SHE: variants seen among roughly 807,000 people sequenced by gnomAD.
The protein encoded by SHE is Src homology 2 domain containing E, also known as SH2 domain-containing adapter protein E.
In SHE, 11 loss-of-function variants were observed where a neutral mutation model predicts 49.8. The observed-to-expected ratio is 0.22, with a 90% confidence interval of 0.14 to 0.37. SHE has a LOEUF of 0.37. SHE is among the 10% of genes least tolerant of loss of function. The pLI is 1.00. For missense variants in SHE, 624 were observed against 655.5 expected (o/e 0.95, Z 0.52); for synonymous variants, 310 against 278.1 (o/e 1.11, Z -1.14).
At position 154,489,111 on chromosome 1, in the gene SHE, C is replaced by T. The variant is rs145037628; in HGVS notation, c.964G>A (p.Ala322Thr). The stretch of plus-strand genomic sequence containing the variant: ...TCCCATGGCTGCTCGTACTCTGCCG[C>T]GGGCCTCTCGTCGTTCTCGGGCAGC... ...SRLPENDERP[A>T]AEYEQPWEWK... is the part of the protein sequence containing the mutation. The change falls in exon 3 of 6, where the codon GCG becomes ACG. Residue 322 changes from alanine to threonine, a missense_variant. Physicochemically the swap from Ala to Thr is moderately conservative, Grantham distance 58. Coordinates refer to ENST00000304760, the MANE Select transcript of SHE (RefSeq NM_001010846.3). 1.7e-4 allele frequency: 279 copies of T among 1,612,968 alleles called. 2 individuals are homozygous for T. In the African/African-American group the frequency reaches 3.2e-3, roughly 18 times the overall value.
At chr1:154,478,880 A>G (rs1557793773), downstream of SHE, among the ~76,000 whole-genome samples, 1 of 152,194 alleles carries the variant, frequency 6.6e-6, no homozygotes, top group Non-Finnish European at 1.5e-5. Flanking sequence ...ACTTACATAA[A>G]TGTTTAATGG....
chr1:154,477,890 C>CAAAAAAAAAAAAAA (rs35912019), downstream of SHE, among the ~76,000 whole-genome samples: 1 of 104,350 alleles, frequency 9.6e-6, no homozygotes, highest in Non-Finnish European at 1.9e-5. Context: ...GACACTGTCT[C>CAAAAAAAAAAAAAA]AAAAAAAAAA....
chr1:154,491,231 G>A (rs770874773), intron 2 of SHE, among the ~76,000 whole-genome samples: 2 of 152,114 alleles, frequency 1.3e-5, no homozygotes, highest in Non-Finnish European at 2.9e-5. Context: ...ATAAGCTCCC[G>A]ACTGTTTACT....
At chr1:154,489,030 G>A (rs779546492) in intron 3 of SHE, 21 bp downstream of exon 3, 1 of 1,536,772 alleles carries the variant, frequency 6.5e-7, no homozygotes, top group Non-Finnish European at 8.7e-7. Flanking sequence ...CACTGGGGCG[G>A]GCCTGGCCTG....
At chr1:154,491,930 G>C (rs1233025056) in intron 2 of SHE, among the ~76,000 whole-genome samples, 1 of 152,150 alleles carries the variant, frequency 6.6e-6, no homozygotes, top group Admixed American at 6.5e-5. Flanking sequence ...AGGCTGAGGG[G>C]TCAGGTGAGG....
Position 154,489,090 on chromosome 1 carries a change from A to G in SHE, c.985T>C (p.Trp329Arg), listed in dbSNP as rs763774458. The part of the protein sequence containing the change: ...ERPAAEYEQP[W>R]EWKKEQIVRA... ...ACGATCTGCTCCTTCTTCCACTCCC[A>G]TGGCTGCTCGTACTCTGCCGCGGGC... The change falls in exon 3 of 6, where the codon TGG becomes CGG. Residue 329 changes from tryptophan to arginine, a missense_variant. Around this residue, in one of 4 missense-constraint regions of SHE, gnomAD observed 155 missense variants for 142.0 expected, o/e 1.09. Transcript: ENST00000304760. 8 of 1,608,346 alleles carry G rather than the reference A, an allele frequency of 5.0e-6. No individual in the cohort carries two copies. In the South Asian group the frequency reaches 7.7e-5, roughly 16 times the overall value.
Position 154,501,633 on chromosome 1 carries a change from G to A in SHE, c.394C>T (p.Arg132Trp), listed in dbSNP as rs779660219. 3 of 1,614,130 alleles carry A rather than the reference G, an allele frequency of 1.9e-6. No homozygotes were observed. The highest frequency in any genetic ancestry group is 1.7e-5 in the Admixed American group (1 of 60,022). Residue 132 changes from arginine (R) to tryptophan (W), a missense_variant, in exon 1 of 6, where the codon CGG becomes TGG. Coordinates refer to ENST00000304760, the MANE Select transcript of SHE (RefSeq NM_001010846.3). ...CAGCCCGAGCTCTTGGTTGCACCCC[G>A]GTGGGGCTCCTCCTCCGTGGCCCGG... ...NSRATEEEPH[R>W]GATKSSGCST...
At chr1:154,489,527 CTG>C (rs889523605) in intron 2 of SHE, among the ~76,000 whole-genome samples, 171 bp from the exon 3 acceptor site, 39 of 152,344 alleles carry the variant, frequency 2.6e-4, no homozygotes, top group African/African-American at 9.4e-4. Context: ...TACTTCTCAG[CTG>C]TGTTACAAAA....
intron 2 of SHE, among the ~76,000 whole-genome samples, chr1:154,491,089 T>C (rs139655325): frequency 4.6e-5 from 7 of 152,230 alleles, no homozygotes; most frequent in Non-Finnish European, 7.4e-5. Flanking sequence ...ACAGAGTCTA[T>C]ATTATAGACC....
intron 1 of SHE, among the ~76,000 whole-genome samples, chr1:154,470,794 C>T (rs1270530121): frequency 4.6e-5 from 7 of 152,038 alleles, no homozygotes; most frequent in Admixed American, 6.6e-5. Context: ...GAGATGAGAT[C>T]GTGCCATTGC....
At chr1:154,485,625 T>C (rs1692152524) in intron 5 of SHE, 1 of 231,742 alleles carries the variant, frequency 4.3e-6, no homozygotes, top group South Asian at 9.8e-5. Context: ...CTGTTAGAAA[T>C]AATTCTTTTC....
intron 1 of SHE, among the ~76,000 whole-genome samples, chr1:154,500,924 C>T (rs1692703620): frequency 6.6e-6 from 1 of 152,170 alleles, no homozygotes; most frequent in Non-Finnish European, 1.5e-5. Context: ...GCTGAACCTC[C>T]GAGGAGCCCT....
intron 2 of SHE, among the ~76,000 whole-genome samples, chr1:154,493,645 C>T (rs75485862): frequency 0.025 from 3,761 of 152,242 alleles, 151 homozygotes; most frequent in African/African-American, 0.086. Flanking sequence ...TTCTCAATCC[C>T]CAACTCGCTG....
intron 2 of SHE, among the ~76,000 whole-genome samples, chr1:154,494,363 C>A (rs1182557482): frequency 1.4e-5 from 2 of 146,266 alleles, no homozygotes; most frequent in Admixed American, 6.8e-5. Flanking sequence ...CAGGCAAAGA[C>A]AGACATAACA....
chr1:154,486,048 G>A lies in SHE; in HGVS notation c.1196C>T (p.Ala399Val), dbSNP rs1337450497. The A allele has an allele frequency of 6.2e-7, 1 of 1,613,102 alleles. No individual in the cohort carries two copies. The highest frequency in any genetic ancestry group is 1.1e-5 in the South Asian group (1 of 91,054). ...ACTCTCAGCCTCAGCACGGCTGATGGCACCATGATACCAGCTGAAAAATGG... is the reference window on the plus strand; with the variant it reads ...ACTCTCAGCCTCAGCACGGCTGATGACACCATGATACCAGCTGAAAAATGG... ...PLEKQPWYHG[A>V]ISRAEAESRL... The change falls in exon 5 of 6, where the codon GCC (alanine) becomes GTC (valine). Residue 399 changes from alanine to valine, a missense_variant. Physicochemically the swap from Ala to Val is moderately conservative, Grantham distance 64. This residue lies in a region of SHE where 125 missense variants were observed against 181.7 expected (regional missense o/e 0.69). Transcript: ENST00000304760.
chr1:154,501,744 C>A lies in SHE; in HGVS notation c.283G>T (p.Gly95Cys), dbSNP rs765721556. Reference sequence around the variant, plus strand: ...AGCCGGCTGTCCTTGGGGCCGACGCCGGCCCTGCCGCTCCCCAGCTCGGCC... The same window carrying A: ...AGCCGGCTGTCCTTGGGGCCGACGCAGGCCCTGCCGCTCCCCAGCTCGGCC... Reference protein sequence around the residue: ...SAAELGSGRAGVGPKDSRLSR... With the variant: ...SAAELGSGRACVGPKDSRLSR... The change falls in exon 1 of 6, where the codon GGC (glycine) becomes TGC (cysteine). Residue 95 changes from glycine (G) to cysteine (C), a missense_variant. Around this residue, in one of 4 missense-constraint regions of SHE, gnomAD observed 337 missense variants for 306.0 expected, o/e 1.10. Coordinates refer to ENST00000304760, the MANE Select transcript of SHE (RefSeq NM_001010846.3). 85 of 1,568,480 alleles carry A rather than the reference C, an allele frequency of 5.4e-5. 1 individual carries two copies. The highest frequency in any genetic ancestry group is 5.2e-4 in the East Asian group (22 of 41,938).
At chr1:154,476,585 T>A (rs903787051), downstream of SHE, among the ~76,000 whole-genome samples, 1 of 151,774 alleles carries the variant, frequency 6.6e-6, no homozygotes, top group Non-Finnish European at 1.5e-5. Flanking sequence ...TGAGCCACGA[T>A]TGCATCACTG....
chr1:154,488,022 C>A (rs948850705), intron 3 of SHE, among the ~76,000 whole-genome samples: 4 of 151,146 alleles, frequency 2.6e-5, no homozygotes, highest in African/African-American at 9.7e-5. Flanking sequence ...TCACTGCAAC[C>A]TCCGCCTCCT....
rs558845359 is a variant in SHE, at chr1:154,493,738, T to A, written c.719-4382A>T. On this transcript the variant is annotated intron_variant, in intron 2 of 5. Transcript: ENST00000304760. Reference sequence around the variant, plus strand: ...TAAGATTTTCTTTTACTAAATTAACTGTAGTTAGCAATAAGTATTGCCCTA... The same window carrying A: ...TAAGATTTTCTTTTACTAAATTAACAGTAGTTAGCAATAAGTATTGCCCTA... Among the ~76,000 whole-genome samples the A allele has an allele frequency of 2.0e-5, 3 of 152,348 alleles. No homozygotes were observed. The East Asian group carries it at 5.8e-4, about 29-fold the overall frequency.
Sources: allele counts gnomAD v4.1 joint callset (sites outside exome capture counted in the v4.1 genomes callset), GRCh38; gene constraint gnomAD v4.1.1; regional missense constraint gnomAD v4.1.1; transcripts MANE v1.5; gene names NCBI Gene and HGNC (gene_info 2026-07-23, HGNC 2026-07-21).